Variants in CYP39A1 observed in about 807,000 individuals in gnomAD.
The protein encoded by CYP39A1 is 24-hydroxycholesterol 7-alpha-hydroxylase.
In CYP39A1, 49 loss-of-function variants were observed where a neutral mutation model predicts 58.1. The ratio of observed to expected loss-of-function variants is 0.84; its 90% CI spans 0.67 to 1.07. The LOEUF (loss-of-function observed/expected upper bound fraction) is 1.07. Ranked by LOEUF, CYP39A1 falls within the 50% of genes least tolerant of loss-of-function variation. The pLI, the probability that CYP39A1 is intolerant of heterozygous loss-of-function variation, is 0.00. For synonymous variants in CYP39A1, 209 were observed against 187.6 expected (o/e 1.11, Z -0.93); for missense variants, 531 against 539.4 (o/e 0.98, Z 0.16).
intron 7 of CYP39A1, among the ~76,000 whole-genome samples, chr6:46,616,377 G>A (rs1242041780): frequency 6.6e-6 from 1 of 150,782 alleles, no homozygotes; most frequent in African/African-American, 2.4e-5. Context: ...TCCCACCTCA[G>A]CCTCCTGAGT....
In CYP39A1 at chr6:46,587,898, T is replaced by C. The variant is rs887531675; in HGVS notation, c.1161+136A>G. ...TATTGCAAATCTGTTCTGTACTTTG[T>C]AGTCAACTTTGTTCTTAGTTACGAG... On this transcript the variant is annotated intron_variant, in intron 9 of 11. Coordinates refer to ENST00000275016, the MANE Select transcript of CYP39A1 (RefSeq NM_016593.5). 8.0e-6 allele frequency: 4 copies of C among 502,982 alleles called. No individual in the cohort carries two copies. In the African/African-American group the frequency reaches 8.1e-5, roughly 10 times the overall value. The allele number at this position is 502,982 out of a possible 1,614,324, so 31.2% of individuals were successfully genotyped here.
chr6:46,605,293 G>A (rs140939774), intron 7 of CYP39A1, among the ~76,000 whole-genome samples: 186 of 152,306 alleles, frequency 1.2e-3, no homozygotes, highest in Non-Finnish European at 2.3e-3. Context: ...AACTGGGGCT[G>A]CCAGTGTGCA....
At chr6:46,584,205 G>A (rs550053518) in intron 10 of CYP39A1, among the ~76,000 whole-genome samples, 3 of 152,202 alleles carry the variant, frequency 2.0e-5, no homozygotes, top group Admixed American at 2.0e-4. Context: ...ACAAAATTAA[G>A]GACATTTTAA....
chr6:46,652,583 GT>G lies in CYP39A1; in HGVS notation c.-2del. ...TCACTGTTGGGGAAATTAGTTCCAT[GT>G]TTTTGTCCAGCACCTTCCAGAAGCA... On this transcript the variant is annotated 5_prime_UTR_variant, in exon 1 of 12. Coordinates refer to ENST00000275016, the MANE Select transcript of CYP39A1 (RefSeq NM_016593.5). 1 of 1,598,988 alleles carries G rather than the reference GT, an allele frequency of 6.3e-7. No homozygotes were observed. The highest frequency in any genetic ancestry group is 8.5e-7 in the Non-Finnish European group (1 of 1,173,346).
At chr6:46,632,208 C>T (rs1445129620) in intron 5 of CYP39A1, among the ~76,000 whole-genome samples, 1 of 151,932 alleles carries the variant, frequency 6.6e-6, no homozygotes, top group East Asian at 1.9e-4. Flanking sequence ...TAAAGGAAGA[C>T]AACAATTTTT....
At chr6:46,565,822 A>G (rs1771244594) in intron 10 of CYP39A1, among the ~76,000 whole-genome samples, 1 of 152,206 alleles carries the variant, frequency 6.6e-6, no homozygotes, top group Non-Finnish European at 1.5e-5. Context: ...CCTCATTGTT[A>G]AGATCCAATC....
chr6:46,580,443 T>C (rs1445191466), intron 10 of CYP39A1, among the ~76,000 whole-genome samples: 1 of 152,154 alleles, frequency 6.6e-6, no homozygotes, highest in Non-Finnish European at 1.5e-5. Context: ...ACATAGGCCT[T>C]GCCAAGGATT....
intron 8 of CYP39A1, among the ~76,000 whole-genome samples, chr6:46,588,631 C>T (rs185736899): frequency 2.6e-4 from 39 of 150,858 alleles, no homozygotes; most frequent in Non-Finnish European, 4.9e-4. Context: ...ATGTCCTGTT[C>T]TTGTGGATAC....
At chr6:46,562,808 A>T (rs1187259586) in intron 10 of CYP39A1, among the ~76,000 whole-genome samples, 2 of 152,084 alleles carry the variant, frequency 1.3e-5, no homozygotes, top group East Asian at 3.8e-4. Context: ...TTCCCTAATT[A>T]ATTTTAGTCT....
At chr6:46,610,701 C>T (rs1774164272) in intron 7 of CYP39A1, among the ~76,000 whole-genome samples, 1 of 152,010 alleles carries the variant, frequency 6.6e-6, no homozygotes, top group Non-Finnish European at 1.5e-5. Context: ...AGTTTTAAAT[C>T]ATTTAGCTAA....
chr6:46,606,313 T>C (rs1347048015), intron 7 of CYP39A1, among the ~76,000 whole-genome samples: 1 of 152,098 alleles, frequency 6.6e-6, no homozygotes, highest in African/African-American at 2.4e-5. Context: ...CAGTGTCATG[T>C]GAGAAAAATA....
intron 10 of CYP39A1, among the ~76,000 whole-genome samples, chr6:46,559,701 C>A (rs1028510148): frequency 6.6e-6 from 1 of 152,192 alleles, no homozygotes; most frequent in African/African-American, 2.4e-5. Context: ...TCAGCAAAGA[C>A]TGCAGAACAC....
chr6:46,624,190 CTT>C (rs984524189), intron 7 of CYP39A1, among the ~76,000 whole-genome samples: 11 of 152,262 alleles, frequency 7.2e-5, no homozygotes, highest in Admixed American at 3.9e-4. Flanking sequence ...CCTCTCTACT[CTT>C]TTATTTCCTA....
At chr6:46,619,251 AG>A (rs1252638384) in intron 7 of CYP39A1, among the ~76,000 whole-genome samples, 1 of 152,158 alleles carries the variant, frequency 6.6e-6, no homozygotes, top group Non-Finnish European at 1.5e-5. Flanking sequence ...CTGCAAACAG[AG>A]GCTAGACCAA....
At chr6:46,575,678 GTGT>G (rs1446838072) in intron 10 of CYP39A1, among the ~76,000 whole-genome samples, 2 of 152,218 alleles carry the variant, frequency 1.3e-5, no homozygotes, top group Non-Finnish European at 2.9e-5. Context: ...CTCCAGTCAA[GTGT>G]TGTTGCCAAC....
chr6:46,650,944 A>G (rs1466201668), intron 1 of CYP39A1, among the ~76,000 whole-genome samples: 1 of 152,206 alleles, frequency 6.6e-6, no homozygotes, highest in African/African-American at 2.4e-5. Flanking sequence ...GCTGTGGGAG[A>G]CAAAGGAGTA....
intron 7 of CYP39A1, among the ~76,000 whole-genome samples, chr6:46,608,647 T>A (rs1055263499): frequency 6.6e-6 from 1 of 152,100 alleles, no homozygotes; most frequent in African/African-American, 2.4e-5. Context: ...GGAGTCTCAC[T>A]CTTGTTGCCC....
chr6:46,650,537 T>C (rs1412178653), intron 1 of CYP39A1, among the ~76,000 whole-genome samples: 1 of 136,224 alleles, frequency 7.3e-6, no homozygotes, highest in Non-Finnish European at 1.6e-5. Flanking sequence ...AAGGTCTCGC[T>C]CTGTTGCCCA....
intron 7 of CYP39A1, among the ~76,000 whole-genome samples, chr6:46,612,332 T>C (rs1392984199): frequency 6.6e-6 from 1 of 152,204 alleles, no homozygotes; most frequent in East Asian, 1.9e-4. Flanking sequence ...GCTAGGTTAG[T>C]AGATAGGAAA....
Sources: gnomAD v4.1 joint callset for allele counts (sites outside exome capture counted in the v4.1 genomes callset) on GRCh38, gnomAD v4.1.1 for gene constraint, MANE v1.5 for transcripts, NCBI Gene and HGNC (gene_info 2026-07-23, HGNC 2026-07-21) for gene names.